Variants in CPPED1 observed in about 807,000 individuals in gnomAD.
CPPED1 encodes calcineurin like phosphoesterase domain containing 1, also known as serine/threonine-protein phosphatase CPPED1.
In CPPED1, 28 loss-of-function variants were observed where a neutral mutation model predicts 28.0. The observed-to-expected ratio is 1.00, with a 90% CI of 0.74 to 1.37. CPPED1 has a LOEUF of 1.37. Among genes scored for constraint, CPPED1 ranks in the 40% most tolerant of loss-of-function variants. The probability of loss-of-function intolerance (pLI) is 0.00; values close to 1 mark genes in which losing one functional copy is unlikely to be tolerated. For missense variants in CPPED1, 504 were observed against 416.5 expected (o/e 1.21, Z -1.83); for synonymous variants, 198 against 180.2 (o/e 1.10, Z -0.79).
chr16:12,758,829 CGAT>C (rs56848342), intron 2 of CPPED1, among the ~76,000 whole-genome samples: 3 of 151,672 alleles, frequency 2.0e-5, no homozygotes, highest in East Asian at 1.9e-4. Context: ...TAATAAGACA[CGAT>C]GATGATGATG....
At chr16:12,737,825 G>A (rs113070248) in intron 2 of CPPED1, among the ~76,000 whole-genome samples, 2 of 152,158 alleles carry the variant, frequency 1.3e-5, no homozygotes, top group Non-Finnish European at 2.9e-5. Flanking sequence ...GGGAACATTT[G>A]AGCAATTTTC....
intron 2 of CPPED1, among the ~76,000 whole-genome samples, chr16:12,712,498 T>G (rs1335934284): frequency 6.6e-6 from 1 of 152,194 alleles, no homozygotes; most frequent in Non-Finnish European, 1.5e-5. Flanking sequence ...ACATAACTAT[T>G]CCTTGTAGCA....
intron 1 of CPPED1, among the ~76,000 whole-genome samples, chr16:12,786,269 ACC>A (rs796868107): frequency 6.6e-6 from 1 of 151,844 alleles, no homozygotes; most frequent in Non-Finnish European, 1.5e-5. Flanking sequence ...ATTTTACTGA[ACC>A]CCGGGGTGAC....
At chr16:12,773,125 C>T (rs1017687761) in intron 2 of CPPED1, among the ~76,000 whole-genome samples, 1 of 152,124 alleles carries the variant, frequency 6.6e-6, no homozygotes. Context: ...AAGACCCAAA[C>T]GAAAGAAGCC....
intron 2 of CPPED1, among the ~76,000 whole-genome samples, chr16:12,719,426 G>A (rs953887612): frequency 5.4e-5 from 8 of 149,432 alleles, no homozygotes; most frequent in African/African-American, 1.7e-4. Context: ...GGAGGAAACC[G>A]CCCCCATGAT....
chr16:12,765,517 A>C (rs1350168779), intron 2 of CPPED1, among the ~76,000 whole-genome samples: 2 of 152,258 alleles, frequency 1.3e-5, no homozygotes, highest in African/African-American at 4.8e-5. Context: ...CGGGAAAAAA[A>C]ACATTAAGAA....
At chr16:12,773,058 A>C (rs1032601416) in intron 2 of CPPED1, among the ~76,000 whole-genome samples, 1 of 152,196 alleles carries the variant, frequency 6.6e-6, no homozygotes, top group Non-Finnish European at 1.5e-5. Flanking sequence ...AAAAACTCTT[A>C]GTTTTCAGAG....
chr16:12,723,548 G>A (rs1409960582), intron 2 of CPPED1, among the ~76,000 whole-genome samples: 2 of 152,176 alleles, frequency 1.3e-5, no homozygotes, highest in Non-Finnish European at 2.9e-5. Flanking sequence ...CATCTGCAAG[G>A]CAAGGAGAGA....
At chr16:12,707,774 TTGGGGAA>T (rs969370728) in intron 2 of CPPED1, among the ~76,000 whole-genome samples, 4 of 152,170 alleles carry the variant, frequency 2.6e-5, no homozygotes, top group Admixed American at 2.6e-4. Flanking sequence ...GATGCTGCTT[TTGGGGAA>T]ACCACCAATA....
chr16:12,669,675 GCT>G (rs1486818190), intron 3 of CPPED1, among the ~76,000 whole-genome samples: 1 of 152,138 alleles, frequency 6.6e-6, no homozygotes, highest in Non-Finnish European at 1.5e-5. Context: ...TCGTTTCCTT[GCT>G]CTGTCAGCTG....
intron 2 of CPPED1, among the ~76,000 whole-genome samples, chr16:12,718,555 A>AG (rs1428325064): frequency 2.0e-5 from 3 of 151,294 alleles, no homozygotes; most frequent in Non-Finnish European, 4.4e-5. Context: ...AAAAAAAAAA[A>AG]AAGAAAGAAA....
At chr16:12,710,248 A>G (rs2080073229) in intron 2 of CPPED1, among the ~76,000 whole-genome samples, 1 of 152,158 alleles carries the variant, frequency 6.6e-6, no homozygotes, top group African/African-American at 2.4e-5. Flanking sequence ...AACAAGAAGG[A>G]TTTAAGAGAT....
At chr16:12,734,073 T>G (rs897628028) in intron 2 of CPPED1, among the ~76,000 whole-genome samples, 5 of 123,732 alleles carry the variant, frequency 4.0e-5, no homozygotes, top group Non-Finnish European at 7.1e-5. Context: ...TTTTTTTTTT[T>G]TTTTTTTTTT....
chr16:12,702,600 T>C (rs1163161340), intron 3 of CPPED1, among the ~76,000 whole-genome samples: 1 of 151,898 alleles, frequency 6.6e-6, no homozygotes, highest in Admixed American at 6.6e-5. Flanking sequence ...CTGGGGGTGC[T>C]CTGTCCTACA....
At chr16:12,730,324 A>C (rs2080190949) in intron 2 of CPPED1, among the ~76,000 whole-genome samples, 1 of 152,184 alleles carries the variant, frequency 6.6e-6, no homozygotes, top group Non-Finnish European at 1.5e-5. Flanking sequence ...GTTTAAGTTA[A>C]ATATTCAGCT....
At chr16:12,801,329 G>C (rs529772266) in intron 1 of CPPED1, among the ~76,000 whole-genome samples, 108 of 152,224 alleles carry the variant, frequency 7.1e-4, no homozygotes, top group African/African-American at 2.5e-3. Context: ...CTGACCTCAG[G>C]TGATCCACCC....
Position 12,663,944 on chromosome 16 carries a change from C to T in CPPED1, c.*942G>A, listed in dbSNP as rs546266714. On this transcript the variant is annotated 3_prime_UTR_variant, in exon 4 of 4. Coordinates refer to ENST00000381774, the MANE Select transcript of CPPED1 (RefSeq NM_018340.3). ...TTGCATTAGTGCATTTAGTCCAAGTCAGGGCCAATTCAGAGGATGTGGCTG... is the reference window on the plus strand; with the variant it reads ...TTGCATTAGTGCATTTAGTCCAAGTTAGGGCCAATTCAGAGGATGTGGCTG... 4 of 152,334 alleles carry T rather than the reference C, an allele frequency of 2.6e-5. No individual in the cohort carries two copies. In the South Asian group the frequency reaches 8.3e-4, roughly 32 times the overall value. 9.4% of individuals were successfully genotyped at this position (152,334 alleles called of 1,614,324 possible).
intron 1 of CPPED1, among the ~76,000 whole-genome samples, chr16:12,802,969 A>C (rs1261347614): frequency 6.6e-6 from 1 of 152,260 alleles, no homozygotes; most frequent in Non-Finnish European, 1.5e-5. Flanking sequence ...GGCTGCAGGC[A>C]GCAAAAAGCC....
intron 2 of CPPED1, among the ~76,000 whole-genome samples, chr16:12,730,154 G>A (rs2080189973): frequency 6.6e-6 from 1 of 152,018 alleles, no homozygotes; most frequent in African/African-American, 2.4e-5. Context: ...GAGCCACCAC[G>A]GCCAGCTAAT....
Sources: allele counts gnomAD v4.1 joint callset (sites outside exome capture counted in the v4.1 genomes callset), GRCh38; gene constraint gnomAD v4.1.1; transcripts MANE v1.5; gene names NCBI Gene and HGNC (gene_info 2026-07-23, HGNC 2026-07-21).